MRTFB: variants seen among roughly 807,000 people sequenced by gnomAD.
MRTFB encodes myocardin-related transcription factor B.
Under a neutral mutation model 104.2 loss-of-function variants are expected in MRTFB, and 29 were observed. The ratio of observed to expected loss-of-function variants is 0.28; its 90% confidence interval spans 0.21 to 0.38. MRTFB has a LOEUF of 0.38. Ranked by LOEUF, MRTFB falls within the 10% of genes least tolerant of loss-of-function variation. The pLI, the probability that MRTFB is intolerant of heterozygous loss-of-function variation, is 1.00. For missense variants in MRTFB, 1,270 were observed against 1,341.6 expected (o/e 0.95, Z 0.83); for synonymous variants, 535 against 519.5 (o/e 1.03, Z -0.41).
the MRTFB span, among the ~76,000 whole-genome samples, chr16:14,010,510 A>T: frequency 6.6e-6 from 1 of 152,138 alleles, no homozygotes; most frequent in African/African-American, 2.4e-5. Flanking sequence ...CATGTTGCCC[A>T]GGCTGGTCTT....
At chr16:14,072,289 T>A (rs1422631961) in intron 1 of MRTFB, among the ~76,000 whole-genome samples, 3 of 152,174 alleles carry the variant, frequency 2.0e-5, no homozygotes, top group Non-Finnish European at 4.4e-5. Flanking sequence ...ACACACATCC[T>A]TGAAAAGCAG....
At chr16:14,043,279 C>T in the MRTFB span, among the ~76,000 whole-genome samples, 2 of 152,148 alleles carry the variant, frequency 1.3e-5, no homozygotes, top group African/African-American at 4.8e-5. Context: ...TTGTTTTCCC[C>T]ATTCTTTCTG....
chr16:14,143,166 T>C (rs1351433938), intron 3 of MRTFB: 1 of 151,344 alleles, frequency 6.6e-6, no homozygotes, highest in Non-Finnish European at 1.5e-5. Flanking sequence ...CATTTCTTTT[T>C]TTTTTTTTTT....
At chr16:14,125,808 GA>G (rs1419997921) in intron 2 of MRTFB, among the ~76,000 whole-genome samples, 7 of 152,068 alleles carry the variant, frequency 4.6e-5, no homozygotes, top group Non-Finnish European at 8.8e-5. Context: ...ATCTTTATCT[GA>G]AAAATATTTC....
intron 2 of MRTFB, among the ~76,000 whole-genome samples, chr16:14,123,084 ATCT>A (rs1388833226): frequency 6.6e-6 from 1 of 152,200 alleles, no homozygotes; most frequent in Non-Finnish European, 1.5e-5. Context: ...CTGCATAAAT[ATCT>A]TCTTTTGAGA....
the MRTFB span, among the ~76,000 whole-genome samples, chr16:14,032,079 A>G: frequency 5.3e-5 from 8 of 152,308 alleles, no homozygotes; most frequent in African/African-American, 1.9e-4. Context: ...AAGTGCTAGG[A>G]TTACAGGTGT....
chr16:14,138,806 A>T (rs1472853636), intron 2 of MRTFB, among the ~76,000 whole-genome samples: 2 of 152,238 alleles, frequency 1.3e-5, no homozygotes, highest in African/African-American at 4.8e-5. Context: ...TTCAGCAAAG[A>T]TGCAAAGGCA....
chr16:14,073,761 A>G (rs2079228091), intron 1 of MRTFB, among the ~76,000 whole-genome samples: 1 of 152,370 alleles, frequency 6.6e-6, no homozygotes, highest in South Asian at 2.1e-4. Context: ...CCCTTTAAAT[A>G]GCTTCTTCTG....
chr16:14,262,014 T>C lies in MRTFB; in HGVS notation c.*570T>C, dbSNP rs2043798025. On this transcript the variant is annotated 3_prime_UTR_variant, in exon 17 of 17. Coordinates refer to ENST00000571589, the MANE Select transcript of MRTFB (RefSeq NM_001308142.2). ...AGACTTTTGGTTCTATTCAGAAACC[T>C]GTGTCGTTTTTTTGGTGTTGTAGTT... The C allele has an allele frequency of 6.6e-6, 1 of 152,262 alleles. No homozygotes were observed. The highest frequency in any genetic ancestry group is 2.4e-5 in the African/African-American group (1 of 41,476). 9.4% of individuals were successfully genotyped at this position (152,262 alleles called of 1,614,324 possible). A position where few individuals can be genotyped will look rare whatever the true frequency, so the allele number is the denominator to read the frequency against.
At position 14,218,959 on chromosome 16, in the gene MRTFB, T is replaced by G. The variant is rs753994004; in HGVS notation, c.654T>G (p.Ser218Arg). Reference protein sequence around the residue: ...SAASPSEPKVSESPSPVTTNT... With the variant: ...SAASPSEPKVRESPSPVTTNT... ...CGTCCCCAAGTGAGCCAAAAGTTAG[T>G]GAATCGCCATCTCCTGTGACTACAA... Residue 218 changes from serine (S) to arginine (R), a missense_variant, in exon 8 of 17, where the codon AGT becomes AGG. This residue lies in a region of MRTFB where 1,144 missense variants were observed against 1,131.5 expected (regional missense o/e 1.01). Coordinates refer to ENST00000571589, the MANE Select transcript of MRTFB (RefSeq NM_001308142.2). 13 of 1,613,918 alleles carry G rather than the reference T, an allele frequency of 8.1e-6. No homozygotes were observed. The Admixed American group carries it at 2.2e-4, about 27-fold the overall frequency.
At chr16:14,124,913 C>A (rs1198150461) in intron 2 of MRTFB, among the ~76,000 whole-genome samples, 4 of 152,084 alleles carry the variant, frequency 2.6e-5, no homozygotes, top group Non-Finnish European at 5.9e-5. Flanking sequence ...TATTTTTTAA[C>A]CACTACAGTA....
At chr16:14,211,877 C>T (rs922435553) in intron 4 of MRTFB, among the ~76,000 whole-genome samples, 1 of 152,206 alleles carries the variant, frequency 6.6e-6, no homozygotes, top group African/African-American at 2.4e-5. Context: ...CAGGGACCAA[C>T]AGCAACATAG....
chr16:14,221,778 CTTTTTTT>C (rs34467645), intron 8 of MRTFB, among the ~76,000 whole-genome samples: 6 of 70,810 alleles, frequency 8.5e-5, no homozygotes, highest in East Asian at 3.4e-4. Context: ...TATTTCTTTC[CTTTTTTT>C]TTTTTTTTTT....
intron 12 of MRTFB, chr16:14,247,900 C>T (rs1476653898): frequency 5.6e-6 from 1 of 179,798 alleles, no homozygotes; most frequent in Non-Finnish European, 1.2e-5. Flanking sequence ...CTAAGTGATA[C>T]CACCCATCTC....
intron 15 of MRTFB, among the ~76,000 whole-genome samples, chr16:14,253,169 A>G (rs551408679): frequency 6.6e-6 from 1 of 152,346 alleles, no homozygotes; most frequent in African/African-American, 2.4e-5. Flanking sequence ...CATATGGCCC[A>G]TGGTGGGTGC....
At chr16:14,145,049 AT>A (rs959430876) in intron 3 of MRTFB, among the ~76,000 whole-genome samples, 7 of 149,522 alleles carry the variant, frequency 4.7e-5, no homozygotes, top group African/African-American at 1.2e-4. Context: ...AAATATATTA[AT>A]TTTTTTTAAA....
chr16:14,194,822 G>A (rs1041564927), intron 3 of MRTFB, among the ~76,000 whole-genome samples: 5 of 150,650 alleles, frequency 3.3e-5, no homozygotes, highest in African/African-American at 1.2e-4. Context: ...GTAAAACTCA[G>A]TATTGGTACC....
intron 3 of MRTFB, among the ~76,000 whole-genome samples, chr16:14,174,395 C>T (rs1046829131): frequency 7.9e-5 from 12 of 152,088 alleles, no homozygotes; most frequent in South Asian, 4.1e-4. Flanking sequence ...TAAAAAATGT[C>T]GCCCTGGCCA....
At chr16:13,995,461 G>A in the MRTFB span, among the ~76,000 whole-genome samples, 5 of 152,216 alleles carry the variant, frequency 3.3e-5, no homozygotes, top group Non-Finnish European at 5.9e-5. Flanking sequence ...TTGCTGGTCT[G>A]ATGGTTTAGT....
Sources: gnomAD v4.1 joint callset for allele counts (sites outside exome capture counted in the v4.1 genomes callset) on GRCh38, gnomAD v4.1.1 for gene constraint, gnomAD v4.1.1 regional missense constraint, MANE v1.5 for transcripts, NCBI Gene and HGNC (gene_info 2026-07-23, HGNC 2026-07-21) for gene names.